RAB34: variants seen among roughly 807,000 people sequenced by gnomAD.
RAB34 encodes ras-related protein Rab-34.
A neutral mutation model predicts 39.0 loss-of-function variants in RAB34; 33 were observed. The ratio of observed to expected loss-of-function variants is 0.85; its 90% CI spans 0.64 to 1.13. The LOEUF (loss-of-function observed/expected upper bound fraction) is 1.13. Ranked by LOEUF, RAB34 falls within the 50% of genes most tolerant of loss-of-function variation. The pLI is 0.00. For synonymous variants in RAB34, 135 were observed against 125.1 expected, an observed-to-expected ratio of 1.08 and a Z score of -0.53; for missense variants, 289 against 326.1, an observed-to-expected ratio of 0.89 and a Z score of 0.88.
At position 28,715,891 on chromosome 17, in the gene RAB34, C is replaced by A. The variant is rs1387401094; in HGVS notation, c.223G>T (p.Asp75Tyr). ...KTCLINRFCK[D>Y]TFDKNYKATI... The stretch of plus-strand genomic sequence containing the variant: ...GCCTTGTAATTCTTATCAAAGGTGT[C>A]TTTGCAGAACCTGAGAGGGTACCAG... The change falls in exon 4 of 10, where the codon GAC becomes TAC. Residue 75 changes from aspartate (D) to tyrosine (Y), a missense_variant. Coordinates refer to ENST00000395245, the MANE Select transcript of RAB34 (RefSeq NM_031934.6). The A allele has an allele frequency of 6.2e-7, 1 of 1,613,818 alleles. No individual in the cohort carries two copies. The highest frequency in any genetic ancestry group is 2.2e-5 in the East Asian group (1 of 44,894).
intron 5 of RAB34, 65 bp from the exon 6 acceptor site, chr17:28,715,572 C>T (rs776189599): frequency 1.9e-6 from 3 of 1,614,134 alleles, no homozygotes; most frequent in Admixed American, 3.3e-5. Flanking sequence ...TTCCCCAATC[C>T]TTCCAGCTCC....
Position 28,715,856 on chromosome 17 carries a change from T to G in RAB34, c.258A>C (p.Gly86=). The change falls in exon 4 of 10, where the codon GGA becomes GGC. Residue 86 remains glycine, a synonymous_variant. Coordinates refer to ENST00000395245, the MANE Select transcript of RAB34 (RefSeq NM_031934.6). Reference sequence around the variant, plus strand: ...CAAATCGTTCCATCTCGAAGTCCACTCCAATGGTGGCCTTGTAATTCTTAT... The same window carrying G: ...CAAATCGTTCCATCTCGAAGTCCACGCCAATGGTGGCCTTGTAATTCTTAT... ...TFDKNYKATI[G]VDFEMERFEV... The G allele has an allele frequency of 6.2e-7, 1 of 1,613,954 alleles. No homozygotes were observed. The highest frequency in any genetic ancestry group is 8.5e-7 in the Non-Finnish European group (1 of 1,179,940).
At chr17:28,716,285 G>A (rs2033417759) in intron 2 of RAB34, 1 of 578,818 alleles carries the variant, frequency 1.7e-6, no homozygotes, top group African/African-American at 1.9e-5. Context: ...ACACTGATTA[G>A]CTGTGTGACT....
At chr17:28,716,794 TA>T in intron 2 of RAB34, 108 bp downstream of exon 2, 4 of 1,282,974 alleles carry the variant, frequency 3.1e-6, no homozygotes, top group Non-Finnish European at 3.2e-6. Flanking sequence ...AATAACCATA[TA>T]GCTGGTAGGG....
Position 28,717,762 on chromosome 17 carries a change from C to T in RAB34, c.-496G>A. 1 of 1,335,122 alleles carries T rather than the reference C, an allele frequency of 7.5e-7. No individual in the cohort carries two copies. Among genetic ancestry groups the T allele is most frequent in the Non-Finnish European group, 9.5e-7 (1 of 1,048,998 alleles). The allele number at this position is 1,335,122 out of a possible 1,614,324, so 82.7% of individuals were successfully genotyped here. ...CCCCGCCACACGGGGTCAGTGTGGGCAGGGGCGGCGCTGCCAAGGCCCGCA... is the reference window on the plus strand; with the variant it reads ...CCCCGCCACACGGGGTCAGTGTGGGTAGGGGCGGCGCTGCCAAGGCCCGCA... On this transcript the variant is annotated 5_prime_UTR_variant, in exon 1 of 10. Transcript: ENST00000395245.
rs1007788131 is a variant in RAB34, at chr17:28,714,559, A to C, written c.*84T>G. The C allele has an allele frequency of 5.3e-5, 86 of 1,612,690 alleles. No individual in the cohort carries two copies. The highest frequency in any genetic ancestry group is 7.2e-5 in the Non-Finnish European group (85 of 1,180,000). On this transcript the variant is annotated 3_prime_UTR_variant, in exon 10 of 10. Coordinates refer to ENST00000395245, the MANE Select transcript of RAB34 (RefSeq NM_031934.6). Reference sequence around the variant, plus strand: ...TCTTTGGTCTGGATAAAGTCAGTGCAAATGTCCAGGGGTCAAGCTCTGGAG... The same window carrying C: ...TCTTTGGTCTGGATAAAGTCAGTGCCAATGTCCAGGGGTCAAGCTCTGGAG...
At chr17:28,716,198 C>T (rs966769935) in intron 2 of RAB34, 140 bp from the exon 3 acceptor site, 13 of 1,160,336 alleles carry the variant, frequency 1.1e-5, no homozygotes, top group South Asian at 4.4e-5. Flanking sequence ...CAGGCAGCTG[C>T]GTGGACAGGT....
intron 2 of RAB34, chr17:28,716,595 C>G (rs1202202327): frequency 3.1e-6 from 1 of 327,192 alleles, no homozygotes; most frequent in African/African-American, 2.2e-5. Context: ...GTAAGCACAG[C>G]CAGACCCCTG....
At chr17:28,718,226 C>T, upstream of RAB34, 1 of 1,586,442 alleles carries the variant, frequency 6.3e-7, no homozygotes, top group Non-Finnish European at 8.6e-7. Context: ...CAAGGAGAGG[C>T]GGCGCTTCCC....
At position 28,715,097 on chromosome 17, in the gene RAB34, T is replaced by C. The variant is rs762515620; in HGVS notation, c.539A>G (p.Glu180Gly). Residue 180 changes from glutamate (E) to glycine (G), a missense_variant, in exon 8 of 10, where the codon GAG becomes GGG. By Grantham distance (98) the Glu-to-Gly change is moderately conservative. Transcript: ENST00000395245. ...LSTPAQYALMEKDALQVAQEM... is the reference protein window; with the variant it reads ...LSTPAQYALMGKDALQVAQEM... Reference sequence around the variant, plus strand: ...CTGGGCCACCTGGAGGGCGTCTTTCTCCATCAGCGCATACTGAGCAGGGGT... The same window carrying C: ...CTGGGCCACCTGGAGGGCGTCTTTCCCCATCAGCGCATACTGAGCAGGGGT... 2.8e-5 allele frequency: 46 copies of C among 1,614,040 alleles called. No individual in the cohort carries two copies. The highest frequency in any genetic ancestry group is 3.9e-5 in the Non-Finnish European group (46 of 1,180,022).
intron 5 of RAB34, 56 bp downstream of exon 5, chr17:28,715,585 A>C: frequency 6.2e-7 from 1 of 1,614,026 alleles, no homozygotes; most frequent in Non-Finnish European, 8.5e-7. Flanking sequence ...CCAGCTCCAT[A>C]TGAGAAGCCA....
rs1423635979 is a variant in RAB34 at position 28,715,654 on chromosome 17, A to G, written c.366T>C (p.Tyr122=). ...ERFKCIASTY[Y]RGAQAIIIVF... ...CCAGCCCCTTACCTTGAGCTCCTCT[A>G]TAGTAGGTTGATGCAATGCATTTGA... Residue 122 remains tyrosine, a synonymous_variant, in exon 5 of 10, where the codon TAT becomes TAC. Transcript: ENST00000395245. 6.2e-7 allele frequency: 1 copy of G among 1,614,096 alleles called. No individual in the cohort carries two copies. Among genetic ancestry groups the G allele is most frequent in the South Asian group, 1.1e-5 (1 of 91,080 alleles).
upstream of RAB34, chr17:28,718,098 C>T (rs900043061): frequency 3.7e-6 from 6 of 1,602,796 alleles, no homozygotes; most frequent in Non-Finnish European, 4.3e-6. Context: ...CTATACCCGG[C>T]TGCGCCTTCA....
rs899990556 is a variant in RAB34 at position 28,717,744 on chromosome 17, A to C, written c.-478T>G. The C allele has an allele frequency of 7.5e-7, 1 of 1,327,548 alleles. No individual in the cohort carries two copies. Among genetic ancestry groups the C allele is most frequent in the Non-Finnish European group, 9.6e-7 (1 of 1,043,970 alleles). The allele number at this position is 1,327,548 out of a possible 1,614,324, so 82.2% of individuals were successfully genotyped here. Reference sequence around the variant, plus strand: ...CCCGGGGGCGCGGAGCGGCCCCGCCACACGGGGTCAGTGTGGGCAGGGGCG... The same window carrying C: ...CCCGGGGGCGCGGAGCGGCCCCGCCCCACGGGGTCAGTGTGGGCAGGGGCG... On this transcript the variant is annotated 5_prime_UTR_variant, in exon 1 of 10. Transcript: ENST00000395245.
rs1395368780 is a variant in RAB34, at chr17:28,717,566, T to C, written c.-300A>G. On this transcript the variant is annotated 5_prime_UTR_variant, in exon 1 of 10. Coordinates refer to ENST00000395245, the MANE Select transcript of RAB34 (RefSeq NM_031934.6). ...CGCCAATTGGGGGCGGGGAGTCCCGTCTGGTGGGGGCCGGGCCCGCGCAGA... is the reference window on the plus strand; with the variant it reads ...CGCCAATTGGGGGCGGGGAGTCCCGCCTGGTGGGGGCCGGGCCCGCGCAGA... 8 of 1,416,886 alleles carry C rather than the reference T, an allele frequency of 5.6e-6. No individual in the cohort carries two copies. Among genetic ancestry groups the C allele is most frequent in the South Asian group, 1.5e-5 (1 of 66,862 alleles). 87.8% of individuals were successfully genotyped at this position (1,416,886 alleles called of 1,614,324 possible).
In RAB34 at chr17:28,715,038, G is replaced by C. The variant is rs4429342; in HGVS notation, c.598C>G (p.Leu200Val). 6.2e-7 allele frequency: 1 copy of C among 1,613,836 alleles called. No individual in the cohort carries two copies. Among genetic ancestry groups the C allele is most frequent in the South Asian group, 1.1e-5 (1 of 91,080 alleles). Residue 200 changes from leucine (L) to valine (V), a missense_variant, in exon 8 of 10, where the codon CTC becomes GTC. By Grantham distance (32) the Leu-to-Val change is conservative. Coordinates refer to ENST00000395245, the MANE Select transcript of RAB34 (RefSeq NM_031934.6). ...MKAEYWAVSS[L>V]TGENVREFFF... ...CCTAAAGCCTCCAACTCACCAGTGA[G>C]AGATGAGACTGCCCAGTACTCAGCC...
chr17:28,718,217 A>C, upstream of RAB34: 6 of 1,597,404 alleles, frequency 3.8e-6, no homozygotes, highest in Non-Finnish European at 5.1e-6. Context: ...GAAGGGGCCC[A>C]AGGAGAGGCG....
At chr17:28,718,314 G>C, upstream of RAB34, 2 of 1,492,654 alleles carry the variant, frequency 1.3e-6, no homozygotes, top group Non-Finnish European at 1.8e-6. Context: ...TCGGGGGTGA[G>C]GATGGTGGAG....
In RAB34 at chr17:28,716,091, G is replaced by A. The variant is rs113235587; in HGVS notation, c.147-33C>T. ...ACACAAGAGTGGGCAAGGGGAGTGGGCACGAGCTCTTTCACCCTAGGGAGT... is the reference window on the plus strand; with the variant it reads ...ACACAAGAGTGGGCAAGGGGAGTGGACACGAGCTCTTTCACCCTAGGGAGT... On this transcript the variant is annotated intron_variant, in intron 2 of 9. Transcript: ENST00000395245. The A allele has an allele frequency of 2.5e-5, 40 of 1,612,974 alleles. No homozygotes were observed. In the African/African-American group the frequency reaches 4.0e-4, roughly 16 times the overall value.
Sources: allele counts gnomAD v4.1 joint callset, GRCh38; gene constraint gnomAD v4.1.1; transcripts MANE v1.5; gene names NCBI Gene and HGNC (gene_info 2026-07-23, HGNC 2026-07-21).